Variants in LRRIQ1 observed in about 807,000 individuals in gnomAD.
LRRIQ1 encodes leucine-rich repeat- and IQ domain-containing protein 1.
In LRRIQ1, 210 loss-of-function variants were observed where a neutral mutation model predicts 211.9. That is an observed-to-expected ratio of 0.99 (90% CI 0.89 to 1.11). The LOEUF is 1.11. Among genes scored for constraint, LRRIQ1 ranks in the 50% most tolerant of loss-of-function variants. The probability of loss-of-function intolerance (pLI) is 0.00; values close to 1 mark genes in which losing one functional copy is unlikely to be tolerated. For synonymous variants in LRRIQ1, 699 were observed against 650.1 expected (o/e 1.08, Z -1.14); for missense variants, 2,136 against 1,939.5 (o/e 1.10, Z -1.90).
At position 85,044,767 on chromosome 12, in the gene LRRIQ1, A is replaced by T. The variant is rs1202677452; in HGVS notation, c.294A>T (p.Gly98=). The part of the protein sequence containing the change: ...VSNNHMHLRT[G]LSTEYEESSE... ...ATAATCATATGCATTTAAGAACAGG[A>T]CTATCAACTGAATATGAAGAAAGTT... is the stretch of plus-strand genomic sequence containing the variant. The change falls in exon 4 of 27, where the codon GGA becomes GGT. Residue 98 remains glycine, a synonymous_variant. Coordinates refer to ENST00000393217, the MANE Select transcript of LRRIQ1 (RefSeq NM_001079910.2). 7.7e-6 allele frequency: 12 copies of T among 1,565,024 alleles called. No individual in the cohort carries two copies. Among genetic ancestry groups the T allele is most frequent in the Non-Finnish European group, 1.1e-5 (12 of 1,140,458 alleles).
chr12:85,252,856 A>G (rs980165072), intron 1 of LRRIQ1, among the ~76,000 whole-genome samples: 7 of 151,980 alleles, frequency 4.6e-5, no homozygotes, highest in African/African-American at 7.2e-5. Flanking sequence ...ATTGAGCACT[A>G]TCATATATTG....
intron 5 of LRRIQ1, among the ~76,000 whole-genome samples, chr12:85,046,928 C>T (rs1423005414): frequency 2.7e-5 from 4 of 149,696 alleles, no homozygotes; most frequent in Non-Finnish European, 5.9e-5. Context: ...CGCATGTTCT[C>T]ACTCATCGGT....
At chr12:85,044,632 G>T in intron 3 of LRRIQ1, 86 bp from the exon 4 acceptor site, 2 of 606,940 alleles carry the variant, frequency 3.3e-6, no homozygotes, top group African/African-American at 1.9e-5. Flanking sequence ...AGAATTTGAG[G>T]TTAAAAATTA....
At chr12:85,113,748 TG>T (rs1459101512) in intron 15 of LRRIQ1, among the ~76,000 whole-genome samples, 3 of 152,160 alleles carry the variant, frequency 2.0e-5, no homozygotes, top group African/African-American at 7.2e-5. Flanking sequence ...TATCAGGAAT[TG>T]TGAAACTACA....
intron 19 of LRRIQ1, among the ~76,000 whole-genome samples, chr12:85,151,978 T>G: frequency 6.6e-6 from 1 of 151,808 alleles, no homozygotes; most frequent in East Asian, 1.9e-4. Flanking sequence ...CCATCTAGAT[T>G]TGGCTCAGAG....
intron 24 of LRRIQ1, among the ~76,000 whole-genome samples, chr12:85,199,189 G>A (rs868501333): frequency 6.6e-6 from 1 of 151,882 alleles, no homozygotes; most frequent in African/African-American, 2.4e-5. Flanking sequence ...TCTTTGCCAG[G>A]TCCCATGTGC....
chr12:85,100,284 A>G (rs562598179), intron 13 of LRRIQ1, among the ~76,000 whole-genome samples: 2 of 151,742 alleles, frequency 1.3e-5, no homozygotes, highest in African/African-American at 2.4e-5. Context: ...AAGATAGTCT[A>G]TTTCTAAAAA....
In LRRIQ1 at chr12:85,198,122, A is replaced by G. The variant is rs574775180; in HGVS notation, c.4823-31395A>G. On this transcript the variant is annotated intron_variant, in intron 24 of 26. Transcript: ENST00000393217. ...ATTATATTATTTATATATAATATAT[A>G]ATATATATTATATATAATATATTAT... Among the ~76,000 whole-genome samples the G allele has an allele frequency of 1.6e-4, 19 of 120,808 alleles. No homozygotes were observed. In the East Asian group the frequency reaches 3.8e-3, roughly 24 times the overall value. 79.3% of individuals were successfully genotyped at this position (120,808 alleles called of 152,430 possible).
chr12:85,167,020 G>C (rs1025372024), intron 24 of LRRIQ1, among the ~76,000 whole-genome samples: 1 of 152,290 alleles, frequency 6.6e-6, no homozygotes, highest in African/African-American at 2.4e-5. Context: ...GCATTAAAGA[G>C]TGTCAAACAT....
intron 24 of LRRIQ1, among the ~76,000 whole-genome samples, chr12:85,212,429 A>G (rs997675649): frequency 6.6e-6 from 1 of 152,148 alleles, no homozygotes; most frequent in Non-Finnish European, 1.5e-5. Flanking sequence ...TTAAATGGGC[A>G]GTCTTTTTGG....
chr12:85,173,835 C>A (rs114377445), intron 24 of LRRIQ1, among the ~76,000 whole-genome samples: 1 of 151,990 alleles, frequency 6.6e-6, no homozygotes, highest in Non-Finnish European at 1.5e-5. Context: ...TTTGGGGGTA[C>A]ACAAATATTT....
At chr12:85,086,733 G>A (rs1884863522) in intron 11 of LRRIQ1, among the ~76,000 whole-genome samples, 1 of 151,774 alleles carries the variant, frequency 6.6e-6, no homozygotes, top group Non-Finnish European at 1.5e-5. Context: ...GGGAGGTGGT[G>A]CCACTTCACC....
chr12:85,087,862 T>A (rs1884987146), intron 11 of LRRIQ1, among the ~76,000 whole-genome samples: 1 of 152,178 alleles, frequency 6.6e-6, no homozygotes, highest in African/African-American at 2.4e-5. Context: ...GTCAGATGGG[T>A]AGATTGCAAA....
At chr12:85,077,284 G>A (rs78958616) in intron 11 of LRRIQ1, among the ~76,000 whole-genome samples, 3 of 152,260 alleles carry the variant, frequency 2.0e-5, no homozygotes, top group Non-Finnish European at 4.4e-5. Context: ...AGAAAGTATG[G>A]CCAAAAGTTA....
chr12:85,154,188 C>T (rs1890413149), intron 23 of LRRIQ1, 94 bp downstream of exon 23: 1 of 628,780 alleles, frequency 1.6e-6, no homozygotes, highest in Non-Finnish European at 2.4e-6. Flanking sequence ...TTAATAAGAA[C>T]AGTAATCAAT....
chr12:85,056,552 G>A lies in LRRIQ1; in HGVS notation c.1759G>A (p.Glu587Lys), dbSNP rs1342832672. ...DNQQKKIQKV[E>K]KEEIQEQNGL... ...TCAGCAGAAAAAGATACAAAAAGTA[G>A]AAAAAGAAGAGATACAAGAACAGAA... Residue 587 changes from glutamate (E) to lysine (K), a missense_variant, in exon 8 of 27, where the codon GAA (glutamate) becomes AAA (lysine). Coordinates refer to ENST00000393217, the MANE Select transcript of LRRIQ1 (RefSeq NM_001079910.2). 6.8e-6 allele frequency: 11 copies of A among 1,605,972 alleles called. No homozygotes were observed. The highest frequency in any genetic ancestry group is 9.4e-6 in the Non-Finnish European group (11 of 1,176,408).
intron 17 of LRRIQ1, among the ~76,000 whole-genome samples, chr12:85,125,625 A>AT (rs1888323871): frequency 6.6e-6 from 1 of 152,118 alleles, no homozygotes; most frequent in African/African-American, 2.4e-5. Flanking sequence ...GTAAAGAGTA[A>AT]TTTTTATTAC....
At chr12:85,236,845 A>ATATATATATATC (rs1895206221) in intron 26 of LRRIQ1, among the ~76,000 whole-genome samples, 1 of 141,554 alleles carries the variant, frequency 7.1e-6, no homozygotes, top group African/African-American at 2.7e-5. Flanking sequence ...ATATATATAT[A>ATATATATATATC]TATATATATA....
At chr12:85,161,397 T>C (rs949189789) in intron 24 of LRRIQ1, among the ~76,000 whole-genome samples, 1 of 149,894 alleles carries the variant, frequency 6.7e-6, no homozygotes, top group Non-Finnish European at 1.5e-5. Context: ...ATTGTACTAC[T>C]TTTTTAGTAT....
Sources: allele counts gnomAD v4.1 joint callset (sites outside exome capture counted in the v4.1 genomes callset), GRCh38; gene constraint gnomAD v4.1.1; transcripts MANE v1.5; gene names NCBI Gene and HGNC (gene_info 2026-07-23, HGNC 2026-07-21).